CDCA8: variants seen among roughly 807,000 people sequenced by gnomAD.
CDCA8 encodes the protein cell division cycle associated 8.
In CDCA8, 25 loss-of-function variants were observed where a neutral mutation model predicts 40.0. That is an observed-to-expected ratio of 0.63 (90% CI 0.46 to 0.87). The LOEUF is 0.87. Among genes scored for constraint, CDCA8 ranks in the 40% least tolerant of loss-of-function variants. The probability of loss-of-function intolerance (pLI) is 0.00; values close to 1 mark genes in which losing one functional copy is unlikely to be tolerated. For missense variants in CDCA8, 280 were observed against 348.4 expected (o/e 0.80, Z 1.56); for synonymous variants, 111 against 126.5 (o/e 0.88, Z 0.82).
At chr1:37,706,098 C>T (rs1255797807) in intron 8 of CDCA8, among the ~76,000 whole-genome samples, 12 of 139,158 alleles carry the variant, frequency 8.6e-5, no homozygotes, top group South Asian at 2.3e-4. Context: ...CATGAGCCAC[C>T]GTGCCCACCT....
chr1:37,699,793 G>A (rs879803084), intron 4 of CDCA8, among the ~76,000 whole-genome samples: 15 of 152,022 alleles, frequency 9.9e-5, no homozygotes, highest in African/African-American at 2.4e-4. Context: ...GGTGGCGGGC[G>A]CCTGTAGTCC....
intron 8 of CDCA8, 143 bp downstream of exon 8, chr1:37,705,710 C>A: frequency 1.2e-6 from 1 of 828,910 alleles, no homozygotes; most frequent in Non-Finnish European, 1.8e-6. Flanking sequence ...GACTCAGAAC[C>A]CAGTTTTCTC....
chr1:37,699,017 T>C (rs1466467035), intron 4 of CDCA8, 40 bp downstream of exon 4: 1 of 1,438,824 alleles, frequency 7.0e-7, no homozygotes, highest in Non-Finnish European at 9.8e-7. Context: ...CAGAAAGAAC[T>C]GAGGCTCAGG....
chr1:37,693,012 A>C lies in CDCA8; in HGVS notation c.202A>C (p.Met68Leu). ...GCGGCTCCCCAAGGCTCTGCGCGAG[A>C]TGAACTGGCTTGACTACTTCGGTAA... ...ILRLPKALREMNWLDYFALGG... is the reference protein window; with the variant it reads ...ILRLPKALRELNWLDYFALGG... The change falls in exon 2 of 10, where the codon ATG becomes CTG. Residue 68 changes from methionine to leucine, a missense_variant. By Grantham distance (15) the Met-to-Leu change is conservative (BLOSUM62 2). Transcript: ENST00000373055. 1 of 1,614,030 alleles carries C rather than the reference A, an allele frequency of 6.2e-7. No individual in the cohort carries two copies. Among genetic ancestry groups the C allele is most frequent in the African/African-American group, 1.3e-5 (1 of 75,030 alleles).
At chr1:37,703,230 G>A in intron 6 of CDCA8, 22 bp from the exon 7 acceptor site, 3 of 1,585,350 alleles carry the variant, frequency 1.9e-6, no homozygotes. Flanking sequence ...TGGCATACCT[G>A]ATGGCCATTT....
chr1:37,695,758 TG>T, intron 2 of CDCA8, 151 bp from the exon 3 acceptor site: 1 of 599,828 alleles, frequency 1.7e-6, no homozygotes. Flanking sequence ...GTGGCACATT[TG>T]GGATATAACT....
Position 37,700,418 on chromosome 1 carries a change from T to C in CDCA8, c.338-18T>C. ...ATTTTCATCAGAAATACCACCCTGT[T>C]GAAACTGTTTCTTACAGCACGAAAG... On this transcript the variant is annotated intron_variant, in intron 4 of 9. Transcript: ENST00000373055. 1 of 1,485,970 alleles carries C rather than the reference T, an allele frequency of 6.7e-7. No homozygotes were observed. The highest frequency in any genetic ancestry group is 9.4e-7 in the Non-Finnish European group (1 of 1,064,280). The allele number at this position is 1,485,970 out of a possible 1,614,324, so 92.0% of individuals were successfully genotyped here.
At chr1:37,695,846 G>C (rs1480745606) in intron 2 of CDCA8, 64 bp from the exon 3 acceptor site, 1 of 1,431,990 alleles carries the variant, frequency 7.0e-7, no homozygotes. Context: ...AAAGATAAAT[G>C]GTACTATTAG....
chr1:37,708,568 A>ATG lies in CDCA8; in HGVS notation c.*202_*203insTG. On this transcript the variant is annotated 3_prime_UTR_variant, in exon 10 of 10. Transcript: ENST00000373055. ...TCACCCTCCCATCCCAGCTGATCCCAGTCACTGCTTGCTGGGGCCATGCCA... is the reference window on the plus strand; with the variant it reads ...TCACCCTCCCATCCCAGCTGATCCCATGGTCACTGCTTGCTGGGGCCATGCCA... 1 of 591,058 alleles carries ATG rather than the reference A, an allele frequency of 1.7e-6. No individual in the cohort carries two copies. The highest frequency in any genetic ancestry group is 2.8e-5 in the Admixed American group (1 of 35,712). The allele number at this position is 591,058 out of a possible 1,614,324, so 36.6% of individuals were successfully genotyped here.
chr1:37,695,973 C>T (rs755301108), intron 3 of CDCA8, 23 bp downstream of exon 3: 23 of 1,611,606 alleles, frequency 1.4e-5, no homozygotes, highest in East Asian at 6.7e-5. Flanking sequence ...TCCTATTTTC[C>T]AGCCAGTGGT....
In CDCA8 at chr1:37,708,521, C is replaced by A; in HGVS notation, c.*155C>A. The A allele has an allele frequency of 1.5e-6, 1 of 687,906 alleles. No individual in the cohort carries two copies. Among genetic ancestry groups the A allele is most frequent in the Non-Finnish European group, 2.6e-6 (1 of 385,594 alleles). The allele number at this position is 687,906 out of a possible 1,614,324, so 42.6% of individuals were successfully genotyped here. A position where few individuals can be genotyped will look rare whatever the true frequency, so the allele number is the denominator to read the frequency against. On this transcript the variant is annotated 3_prime_UTR_variant, in exon 10 of 10. Transcript: ENST00000373055. The stretch of plus-strand genomic sequence containing the variant: ...GGAATTCAGACGTGCTAGTCCCACA[C>A]CAGTTAGGTAGAGCTGTCTGTTCAC...
At chr1:37,701,689 AC>A (rs67680207) in intron 5 of CDCA8, 64 bp from the exon 6 acceptor site, 3 of 964,388 alleles carry the variant, frequency 3.1e-6, no homozygotes, top group African/African-American at 1.7e-5. Context: ...AAAAAAAAAA[AC>A]CCTCCTTACC....
At chr1:37,703,518 C>G (rs1015691251) in intron 7 of CDCA8, among the ~76,000 whole-genome samples, 171 bp downstream of exon 7, 1 of 152,150 alleles carries the variant, frequency 6.6e-6, no homozygotes, top group Non-Finnish European at 1.5e-5. Context: ...GAGTTCAAGA[C>G]CAGCCTGGCC....
intron 7 of CDCA8, among the ~76,000 whole-genome samples, chr1:37,703,682 C>T (rs891458530): frequency 1.1e-4 from 17 of 152,212 alleles, no homozygotes; most frequent in African/African-American, 4.1e-4. Context: ...CACCACTGCA[C>T]TCCAGCCTGG....
chr1:37,692,861 C>G (rs746188983), intron 1 of CDCA8, 44 bp from the exon 2 acceptor site: 35 of 1,612,740 alleles, frequency 2.2e-5, no homozygotes, highest in Non-Finnish European at 2.7e-5. Context: ...TGCACAGATT[C>G]GCCCGCCCGT....
chr1:37,693,443 C>T (rs974694502), intron 2 of CDCA8, among the ~76,000 whole-genome samples: 2 of 152,148 alleles, frequency 1.3e-5, no homozygotes, highest in African/African-American at 2.4e-5. Context: ...GGCTGGAGTG[C>T]AGTGCAGTGC....
chr1:37,706,507 G>C (rs1645602633), intron 8 of CDCA8, among the ~76,000 whole-genome samples: 1 of 152,206 alleles, frequency 6.6e-6, no homozygotes, highest in Non-Finnish European at 1.5e-5. Flanking sequence ...GGTCAAGATG[G>C]GTTTGCAATC....
intron 5 of CDCA8, 128 bp from the exon 6 acceptor site, chr1:37,701,626 C>T (rs1453197740): frequency 8.6e-6 from 5 of 582,336 alleles, no homozygotes; most frequent in Non-Finnish European, 1.5e-5. Context: ...CTGAGATACA[C>T]CTTATTATAT....
In CDCA8 at chr1:37,695,952, T is replaced by G. The variant is rs1645523907; in HGVS notation, c.264+2T>G. The G allele has an allele frequency of 6.2e-7, 1 of 1,613,564 alleles. No individual in the cohort carries two copies. The highest frequency in any genetic ancestry group is 1.1e-5 in the South Asian group (1 of 91,064). ...CAGGCCCTGGAAGAGGCGGCAACAG[T>G]AAGTGACCTTTCCTATTTTCCAGCC... On this transcript the variant is annotated splice_donor_variant, in intron 3 of 9. Coordinates refer to ENST00000373055, the MANE Select transcript of CDCA8 (RefSeq NM_001256875.2). LOFTEE classifies it high-confidence loss of function.
Sources: gnomAD v4.1 joint callset for allele counts (sites outside exome capture counted in the v4.1 genomes callset) on GRCh38, gnomAD v4.1.1 for gene constraint, MANE v1.5 for transcripts, NCBI Gene and HGNC (gene_info 2026-07-23, HGNC 2026-07-21) for gene names.